Variants in FBXO34 observed in about 807,000 individuals in gnomAD.
The protein encoded by FBXO34 is F-box only protein 34.
In FBXO34, 12 loss-of-function variants were observed where a neutral mutation model predicts 24.5. That is an observed-to-expected ratio of 0.49 (90% CI 0.31 to 0.79). FBXO34 has a LOEUF of 0.79. Among genes scored for constraint, FBXO34 ranks in the 30% least tolerant of loss-of-function variants. The pLI is 0.04. For missense variants in FBXO34, 823 were observed against 857.7 expected, an observed-to-expected ratio of 0.96 and a Z score of 0.51; for synonymous variants, 320 against 311.9, an observed-to-expected ratio of 1.03 and a Z score of -0.27.
chr14:55,273,503 A>C (rs1247488160), intron 1 of FBXO34, among the ~76,000 whole-genome samples: 1 of 152,168 alleles, frequency 6.6e-6, no homozygotes, highest in Non-Finnish European at 1.5e-5. Context: ...GTGTTGAGTG[A>C]AGTCTCTAAA....
the FBXO34 span, among the ~76,000 whole-genome samples, chr14:55,383,030 G>A: frequency 2.0e-5 from 3 of 152,116 alleles, no homozygotes; most frequent in Admixed American, 6.6e-5. Context: ...TCTTTCTGTT[G>A]TTCTTTCAAG....
At chr14:55,295,290 T>C (rs1422518382) in intron 1 of FBXO34, among the ~76,000 whole-genome samples, 1 of 152,178 alleles carries the variant, frequency 6.6e-6, no homozygotes, top group Non-Finnish European at 1.5e-5. Flanking sequence ...AATAGTTAGC[T>C]TTATTTATTT....
the FBXO34 span, among the ~76,000 whole-genome samples, chr14:55,412,860 C>T: frequency 6.6e-6 from 1 of 152,138 alleles, no homozygotes; most frequent in African/African-American, 2.4e-5. Context: ...CCCTACAAAC[C>T]TGTTTTCTTA....
At chr14:55,277,240 A>C (rs764644041) in intron 1 of FBXO34, among the ~76,000 whole-genome samples, 6 of 152,224 alleles carry the variant, frequency 3.9e-5, no homozygotes, top group Non-Finnish European at 8.8e-5. Flanking sequence ...CTTTGTTAGA[A>C]GTACATTAGG....
chr14:55,366,162 T>C (rs1019506685), downstream of FBXO34, among the ~76,000 whole-genome samples: 2 of 152,166 alleles, frequency 1.3e-5, no homozygotes, highest in Non-Finnish European at 2.9e-5. Context: ...AAAACACGTC[T>C]TTAGGGAAAG....
the FBXO34 span, chr14:55,414,025 C>A: frequency 7.2e-5 from 39 of 537,976 alleles, no homozygotes; most frequent in Non-Finnish European, 9.8e-5. Flanking sequence ...GAACATGTAT[C>A]AGGTGCCTCA....
At chr14:55,353,669 G>A (rs1884470231), downstream of FBXO34, 2 of 166,822 alleles carry the variant, frequency 1.2e-5, no homozygotes, top group African/African-American at 4.8e-5. Context: ...GAAGGTTCTT[G>A]TGAATTGAAT....
At chr14:55,325,184 T>C (rs1883299272) in intron 1 of FBXO34, among the ~76,000 whole-genome samples, 1 of 152,270 alleles carries the variant, frequency 6.6e-6, no homozygotes, top group African/African-American at 2.4e-5. Context: ...TGTTGACATA[T>C]GGCTTCTTTA....
downstream of FBXO34, among the ~76,000 whole-genome samples, chr14:55,373,004 CAGG>C (rs1555341397): frequency 8.5e-6 from 1 of 117,252 alleles, no homozygotes; most frequent in South Asian, 2.8e-4. Context: ...AGCCACAGAG[CAGG>C]AGGAGAGGCC....
At chr14:55,385,747 C>T in the FBXO34 span, 2 of 945,856 alleles carry the variant, frequency 2.1e-6, no homozygotes, top group Non-Finnish European at 3.2e-6. Flanking sequence ...TGTTCCATCA[C>T]CAGGAAAACC....
At chr14:55,436,045 G>T in the FBXO34 span, 2 of 606,726 alleles carry the variant, frequency 3.3e-6, no homozygotes, top group Non-Finnish European at 5.4e-6. Flanking sequence ...TTCCTAGGGG[G>T]AGAATTATTC....
intron 1 of FBXO34, among the ~76,000 whole-genome samples, chr14:55,341,471 C>T (rs1488836139): frequency 1.3e-5 from 2 of 152,116 alleles, no homozygotes; most frequent in Non-Finnish European, 2.9e-5. Context: ...TCAGCCCACT[C>T]AAGGAAGTAG....
At chr14:55,288,139 GA>G (rs1330732826) in intron 1 of FBXO34, among the ~76,000 whole-genome samples, 1 of 152,150 alleles carries the variant, frequency 6.6e-6, no homozygotes, top group African/African-American at 2.4e-5. Flanking sequence ...TATTACTTAA[GA>G]AGTTGCTTGT....
At chr14:55,406,129 CTAAT>C in the FBXO34 span, among the ~76,000 whole-genome samples, 1 of 152,176 alleles carries the variant, frequency 6.6e-6, no homozygotes, top group African/African-American at 2.4e-5. Context: ...GTCAAAGGAA[CTAAT>C]TAATGTGAGA....
intron 1 of FBXO34, among the ~76,000 whole-genome samples, chr14:55,322,472 G>C (rs1284328153): frequency 6.6e-6 from 1 of 152,112 alleles, no homozygotes; most frequent in Non-Finnish European, 1.5e-5. Context: ...TTCAGTAACT[G>C]ATTTAATGTC....
At chr14:55,315,996 T>C (rs1882914245) in intron 1 of FBXO34, among the ~76,000 whole-genome samples, 1 of 152,178 alleles carries the variant, frequency 6.6e-6, no homozygotes, top group South Asian at 2.1e-4. Flanking sequence ...GGTCTTCCAA[T>C]GTTTTTCTCC....
At chr14:55,295,307 G>A (rs10146943) in intron 1 of FBXO34, among the ~76,000 whole-genome samples, 19,621 of 151,648 alleles carry the variant, frequency 0.13, 3,586 homozygotes, top group African/African-American at 0.41. Flanking sequence ...ATTTATTAAC[G>A]TGGACTAGGC....
chr14:55,320,907 A>G (rs1462779537), intron 1 of FBXO34, among the ~76,000 whole-genome samples: 1 of 152,250 alleles, frequency 6.6e-6, no homozygotes, highest in East Asian at 1.9e-4. Flanking sequence ...AAAAGAAACC[A>G]ATGTGGATTA....
At chr14:55,442,262 G>A in the FBXO34 span, among the ~76,000 whole-genome samples, 62 of 151,354 alleles carry the variant, frequency 4.1e-4, no homozygotes, top group East Asian at 4.0e-4. Context: ...GGTAGTGTGC[G>A]CCTGTAATCC....
Sources: gnomAD v4.1 joint callset for allele counts (sites outside exome capture counted in the v4.1 genomes callset) on GRCh38, gnomAD v4.1.1 for gene constraint, MANE v1.5 for transcripts, NCBI Gene and HGNC (gene_info 2026-07-23, HGNC 2026-07-21) for gene names.